The following SRGAP2 variants were observed in gnomAD, a reference collection of about 807,000 sequenced individuals.
SRGAP2 encodes SLIT-ROBO Rho GTPase activating protein 2.
In SRGAP2, 15 loss-of-function variants were observed where a neutral mutation model predicts 57.2. The ratio of observed to expected loss-of-function variants is 0.26; its 90% CI spans 0.18 to 0.40. SRGAP2 has a LOEUF of 0.40. Among genes scored for constraint, SRGAP2 ranks in the 10% least tolerant of loss-of-function variants. The pLI is 1.00. For missense variants in SRGAP2, 520 were observed against 669.6 expected (o/e 0.78, Z 2.47); for synonymous variants, 249 against 248.0 (o/e 1.00, Z -0.04).
chr1:206,442,130 C>A (rs1662359943), intron 17 of SRGAP2, among the ~76,000 whole-genome samples: 1 of 152,150 alleles, frequency 6.6e-6, no homozygotes, highest in Non-Finnish European at 1.5e-5. Flanking sequence ...GGGTTAGTGG[C>A]CCCAGCTTGA....
At position 206,443,056 on chromosome 1, in the gene SRGAP2, G is replaced by T. The variant is rs1662450623; in HGVS notation, c.1874+2975G>T. On this transcript the variant is annotated intron_variant, in intron 17 of 22. Transcript: ENST00000573034. ...GCAGGGGCCCTCTGGAGAGGTAATTGCATATCATTAAAAAGTTAAAAATCC... is the reference window on the plus strand; with the variant it reads ...GCAGGGGCCCTCTGGAGAGGTAATTTCATATCATTAAAAAGTTAAAAATCC... 1.3e-5 allele frequency among the ~76,000 whole-genome samples: 2 copies of T among 152,178 alleles called. 1 individual carries two copies. The highest frequency in any genetic ancestry group is 4.1e-4 in the South Asian group (2 of 4,830).
In SRGAP2 at chr1:206,464,363, T is replaced by A. The variant is rs1330627633; in HGVS notation, c.*2943T>A. 3.3e-5 allele frequency: 5 copies of A among 152,680 alleles called. No individual in the cohort carries two copies. Among genetic ancestry groups the A allele is most frequent in the African/African-American group, 1.2e-4 (5 of 41,468 alleles). The allele number at this position is 152,680 out of a possible 1,614,324, so 9.5% of individuals were successfully genotyped here. A position where few individuals can be genotyped will look rare whatever the true frequency, so the allele number is the denominator to read the frequency against. The stretch of plus-strand genomic sequence containing the variant: ...GAGATGCTTTGTGTGAACCTAAGAC[T>A]GTCACTCAACAGATGTTGGATTGGG... On this transcript the variant is annotated 3_prime_UTR_variant, in exon 23 of 23. Coordinates refer to ENST00000573034, the MANE Select transcript of SRGAP2 (RefSeq NM_015326.5).
chr1:206,285,793 G>C (rs1257548305), intron 2 of SRGAP2, among the ~76,000 whole-genome samples: 2 of 152,092 alleles, frequency 1.3e-5, no homozygotes, highest in East Asian at 3.8e-4. Context: ...TTGGCTTCCT[G>C]AGTAGCTGGG....
chr1:206,229,374 T>C (rs1361137607), intron 2 of SRGAP2, among the ~76,000 whole-genome samples: 1 of 150,638 alleles, frequency 6.6e-6, no homozygotes, highest in Admixed American at 6.6e-5. Flanking sequence ...AGCATATCAC[T>C]CTGAGTACTT....
At position 206,439,701 on chromosome 1, in the gene SRGAP2, G is replaced by A. The variant is rs575796066; in HGVS notation, c.1769-275G>A. Among the ~76,000 whole-genome samples, 56 of 152,250 alleles carry A rather than the reference G, an allele frequency of 3.7e-4. 2 individuals are homozygous for A. Among genetic ancestry groups the A allele is most frequent in the African/African-American group, 1.3e-3 (55 of 41,548 alleles). On this transcript the variant is annotated intron_variant, in intron 16 of 22. Transcript: ENST00000573034. ...TTTAATATTAATAATGTGTAATAAC[G>A]AGTTTGGATTTGGATTTGGCACAGT...
intron 21 of SRGAP2, 185 bp from the exon 22 acceptor site, chr1:206,458,438 T>C (rs1403635548): frequency 2.8e-6 from 2 of 714,534 alleles, no homozygotes; most frequent in African/African-American, 1.7e-5. Flanking sequence ...TTCACCCAGC[T>C]TGGGGGTGGC....
chr1:206,309,810 G>T (rs1296402424), intron 3 of SRGAP2, among the ~76,000 whole-genome samples: 3 of 151,412 alleles, frequency 2.0e-5, no homozygotes, highest in African/African-American at 7.4e-5. Flanking sequence ...AAGTGATTGT[G>T]GGAGAGATGA....
At chr1:206,313,549 G>C (rs1259161013) in intron 3 of SRGAP2, among the ~76,000 whole-genome samples, 15 of 151,308 alleles carry the variant, frequency 9.9e-5, no homozygotes, top group Non-Finnish European at 2.9e-5. Flanking sequence ...GAGTAGACTG[G>C]TTTAGCTGGG....
chr1:206,318,753 CT>C (rs1172937986), intron 3 of SRGAP2, among the ~76,000 whole-genome samples: 4 of 152,200 alleles, frequency 2.6e-5, no homozygotes, highest in Middle Eastern at 3.4e-3. Flanking sequence ...AGGTCCCAGA[CT>C]TTTGAACAAC....
intron 2 of SRGAP2, chr1:206,207,527 T>C (rs1186477088): frequency 2.0e-5 from 3 of 151,940 alleles, no homozygotes; most frequent in African/African-American, 7.3e-5. Flanking sequence ...AATCCAGGCT[T>C]GTTTTTGTAA....
intron 2 of SRGAP2, among the ~76,000 whole-genome samples, chr1:206,239,218 ACCAAT>A (rs1403162146): frequency 6.8e-6 from 1 of 146,822 alleles, no homozygotes; most frequent in Non-Finnish European, 1.5e-5. Flanking sequence ...CAGCAGAAAA[ACCAAT>A]CAAACAAACA....
chr1:206,346,606 A>G (rs1553336908), intron 4 of SRGAP2, among the ~76,000 whole-genome samples: 1 of 152,126 alleles, frequency 6.6e-6, no homozygotes, highest in African/African-American at 2.4e-5. Flanking sequence ...TTTTACCAGT[A>G]AATTTGGTTC....
At chr1:206,337,177 C>T (rs1285411482) in intron 3 of SRGAP2, among the ~76,000 whole-genome samples, 1 of 148,884 alleles carries the variant, frequency 6.7e-6, no homozygotes, top group African/African-American at 2.6e-5. Flanking sequence ...TTTCTGTCAA[C>T]CTCAGCACAC....
chr1:206,460,936 T>TA (rs1553380288), intron 22 of SRGAP2, 101 bp from the exon 23 acceptor site: 8 of 601,262 alleles, frequency 1.3e-5, no homozygotes, highest in South Asian at 1.1e-4. Context: ...CTGGACATCT[T>TA]ACGGTCATTT....
intron 7 of SRGAP2, among the ~76,000 whole-genome samples, chr1:206,399,464 AAAAT>A (rs1226851295): frequency 6.6e-6 from 1 of 151,284 alleles, no homozygotes; most frequent in Non-Finnish European, 1.5e-5. Flanking sequence ...TTGGGGAAAA[AAAAT>A]GAGAGGTATT....
chr1:206,279,552 A>G (rs1670607906), intron 2 of SRGAP2, among the ~76,000 whole-genome samples: 1 of 102,862 alleles, frequency 9.7e-6, no homozygotes, highest in African/African-American at 4.7e-5. Flanking sequence ...AGTAGCTGGG[A>G]CCACAGACAT....
intron 3 of SRGAP2, among the ~76,000 whole-genome samples, chr1:206,305,977 T>G (rs1281038435): frequency 1.3e-5 from 2 of 151,712 alleles, no homozygotes; most frequent in African/African-American, 4.8e-5. Context: ...AAATGAAGAC[T>G]TAGGGGAGGA....
chr1:206,243,702 T>C (rs1668381177), intron 2 of SRGAP2, among the ~76,000 whole-genome samples: 1 of 152,248 alleles, frequency 6.6e-6, no homozygotes, highest in Non-Finnish European at 1.5e-5. Flanking sequence ...GCTTCTCAGC[T>C]GTGCTGCTTC....
In SRGAP2 at chr1:206,365,420, G is replaced by A. The variant is rs190774150; in HGVS notation, c.424-18594G>A. On this transcript the variant is annotated intron_variant, in intron 4 of 22. Transcript: ENST00000573034. ...CTGCTGATGTGAGCTGCTTAAACTG[G>A]CAGGCAGATGATGGAAGGAATGGTT... Among the ~76,000 whole-genome samples, 299 of 152,352 alleles carry A rather than the reference G, an allele frequency of 2.0e-3. 4 individuals carry two copies. In the South Asian group the frequency reaches 0.027, roughly 14 times the overall value.
Sources: allele counts gnomAD v4.1 joint callset (sites outside exome capture counted in the v4.1 genomes callset), GRCh38; gene constraint gnomAD v4.1.1; transcripts MANE v1.5; gene names NCBI Gene and HGNC (gene_info 2026-07-23, HGNC 2026-07-21).